Variants in SERAC1 observed in about 807,000 individuals in gnomAD.
SERAC1 encodes the protein serine active site containing 1.
In SERAC1, 36 loss-of-function variants were observed where a neutral mutation model predicts 85.7. That is an observed-to-expected ratio of 0.42 (90% CI 0.32 to 0.55). The LOEUF is 0.55. Among genes scored for constraint, SERAC1 ranks in the 20% least tolerant of loss-of-function variants. SERAC1 has a pLI of 0.11. For synonymous variants in SERAC1, 242 were observed against 265.3 expected (o/e 0.91, Z 0.85); for missense variants, 629 against 796.2 (o/e 0.79, Z 2.53).
intron 8 of SERAC1, among the ~76,000 whole-genome samples, chr6:158,132,626 T>C (rs979886078): frequency 3.3e-5 from 5 of 152,150 alleles, no homozygotes; most frequent in African/African-American, 1.2e-4. Context: ...CAAAGAAAAA[T>C]GATCTAGGAC....
intron 10 of SERAC1, among the ~76,000 whole-genome samples, chr6:158,124,042 A>G (rs1784478676): frequency 6.6e-6 from 1 of 152,218 alleles, no homozygotes; most frequent in African/African-American, 2.4e-5. Context: ...CAGGAAATCA[A>G]TGAAGATGAG....
In SERAC1 at chr6:158,113,586, G is replaced by T. The variant is rs1224640360; in HGVS notation, c.1691C>A (p.Pro564His). Residue 564 changes from proline to histidine, a missense_variant, in exon 16 of 17, where the codon CCT (proline) becomes CAT (histidine). Physicochemically the swap from Pro to His is moderately conservative, Grantham distance 77. Coordinates refer to ENST00000647468, the MANE Select transcript of SERAC1 (RefSeq NM_032861.4). ...GTCATCTTGTAGTGTTTTAAGTGCA[G>T]GAGAATCTGTAAAATTATACAGAAC... is the stretch of plus-strand genomic sequence containing the variant. ...LEVKELSKDS[P>H]ALKTLQDDFL... The T allele has an allele frequency of 2.5e-6, 4 of 1,612,932 alleles. No homozygotes were observed. The highest frequency in any genetic ancestry group is 1.3e-5 in the African/African-American group (1 of 74,874).
chr6:158,129,335 A>T (rs959392715), intron 9 of SERAC1, among the ~76,000 whole-genome samples: 4 of 152,168 alleles, frequency 2.6e-5, no homozygotes, highest in Admixed American at 2.6e-4. Context: ...GCCATGTCCA[A>T]TGTGTCCCAA....
chr6:158,151,610 A>G (rs1785206730), intron 3 of SERAC1, among the ~76,000 whole-genome samples: 1 of 152,040 alleles, frequency 6.6e-6, no homozygotes, highest in Non-Finnish European at 1.5e-5. Flanking sequence ...TATTTTTAGT[A>G]GAGATGGGGT....
intron 1 of SERAC1, among the ~76,000 whole-genome samples, chr6:158,165,450 C>A (rs879257430): frequency 6.6e-6 from 1 of 152,216 alleles, no homozygotes; most frequent in East Asian, 1.9e-4. Context: ...CCACCGTGCC[C>A]GGCCCAGTTC....
chr6:158,141,239 G>A (rs1784908275), intron 8 of SERAC1, among the ~76,000 whole-genome samples: 1 of 152,216 alleles, frequency 6.6e-6, no homozygotes, highest in Non-Finnish European at 1.5e-5. Context: ...GTCCAGAACA[G>A]GCCAATCCAT....
chr6:158,113,694 C>G, intron 15 of SERAC1, 102 bp from the exon 16 acceptor site: 1 of 1,106,992 alleles, frequency 9.0e-7, no homozygotes, highest in Non-Finnish European at 1.3e-6. Context: ...AATTCTGATT[C>G]AAGACGGTGG....
chr6:158,157,984 G>T (rs1241938958), intron 2 of SERAC1, among the ~76,000 whole-genome samples: 1 of 152,158 alleles, frequency 6.6e-6, no homozygotes, highest in Non-Finnish European at 1.5e-5. Flanking sequence ...GTGTTGTTTT[G>T]CAAGAGCTTA....
intron 1 of SERAC1, among the ~76,000 whole-genome samples, chr6:158,165,707 C>T (rs1785583421): frequency 6.6e-6 from 1 of 152,010 alleles, no homozygotes. Context: ...TTAACTGAAG[C>T]AAAAAAACAG....
chr6:158,118,180 A>G (rs1238702487), intron 12 of SERAC1, among the ~76,000 whole-genome samples: 1 of 152,178 alleles, frequency 6.6e-6, no homozygotes, highest in Admixed American at 6.5e-5. Context: ...CAGATTTTGG[A>G]TCTGAGAATT....
At chr6:158,112,453 TCC>T (rs781174833) in intron 16 of SERAC1, 30,842 of 152,020 alleles carry the variant, frequency 0.2, 3,228 homozygotes, top group East Asian at 0.3. Context: ...GCTTCAAGCT[TCC>T]AAAGTCCTTT....
At chr6:158,133,910 A>T (rs1035977521) in intron 8 of SERAC1, among the ~76,000 whole-genome samples, 1 of 152,236 alleles carries the variant, frequency 6.6e-6, no homozygotes, top group Non-Finnish European at 1.5e-5. Context: ...CATAGTATTC[A>T]GTTATGAACA....
chr6:158,150,623 G>A (rs6929520), intron 3 of SERAC1, 34 bp from the exon 4 acceptor site: 1 of 1,433,960 alleles, frequency 7.0e-7, no homozygotes, highest in Non-Finnish European at 9.7e-7. Context: ...ATCATAAATA[G>A]ACAATCAAAA....
chr6:158,152,291 G>A (rs982265072), intron 3 of SERAC1, among the ~76,000 whole-genome samples: 12 of 152,118 alleles, frequency 7.9e-5, no homozygotes, highest in East Asian at 1.9e-4. Flanking sequence ...CGAGGCGGGC[G>A]GATCACCCGA....
chr6:158,114,552 A>C, intron 15 of SERAC1: 1 of 1,200,660 alleles, frequency 8.3e-7, no homozygotes, highest in Non-Finnish European at 1.1e-6. Context: ...TTCTAATTTT[A>C]AGTATTTAAG....
intron 3 of SERAC1, among the ~76,000 whole-genome samples, 197 bp from the exon 4 acceptor site, chr6:158,150,786 G>A (rs1583600247): frequency 1.3e-5 from 2 of 152,112 alleles, no homozygotes; most frequent in Non-Finnish European, 2.9e-5. Flanking sequence ...CCTCATATAC[G>A]ATAGTGGTCT....
chr6:158,114,780 A>T lies in SERAC1; in HGVS notation c.1684+9T>A, dbSNP rs760320726. The T allele has an allele frequency of 1.2e-5, 19 of 1,613,726 alleles. No homozygotes were observed. The highest frequency in any genetic ancestry group is 1.6e-5 in the Non-Finnish European group (19 of 1,179,706). The stretch of plus-strand genomic sequence containing the variant: ...TAACCCCAATTTCCTTTATGACAAA[A>T]AGTATTACCCTTGCTGAGTTCTTTG... On this transcript the variant is annotated intron_variant, in intron 15 of 16. Transcript: ENST00000647468.
chr6:158,116,222 C>A lies in SERAC1; in HGVS notation c.1464G>T (p.Gly488=), dbSNP rs954283957. The A allele has an allele frequency of 6.2e-7, 1 of 1,614,002 alleles. No individual in the cohort carries two copies. The highest frequency in any genetic ancestry group is 8.5e-7 in the Non-Finnish European group (1 of 1,180,002). Residue 488 remains glycine (G), a synonymous_variant, in exon 14 of 17, where the codon GGG becomes GGT. Transcript: ENST00000647468. ...GTGATATCCAAACCACTGGCCTATCCCCAACACCAGCAGCTCTGAGCTTCC... is the reference window on the plus strand; with the variant it reads ...GTGATATCCAAACCACTGGCCTATCACCAACACCAGCAGCTCTGAGCTTCC... ...LLRKLRAAGV[G]DRPVVWISHS...
At position 158,120,606 on chromosome 6, in the gene SERAC1, G is replaced by T; in HGVS notation, c.1016-31C>A. 1 of 1,602,350 alleles carries T rather than the reference G, an allele frequency of 6.2e-7. No homozygotes were observed. On this transcript the variant is annotated intron_variant, in intron 10 of 16. Coordinates refer to ENST00000647468, the MANE Select transcript of SERAC1 (RefSeq NM_032861.4). This position sits in a 1 kb window ranked among gnomAD's most constrained non-coding sequence, Gnocchi z 4.4. Reference sequence around the variant, plus strand: ...GAAAAGTACACATATCCTAAATACTGATGTGAATCCATCGCAGACCACAGA... The same window carrying T: ...GAAAAGTACACATATCCTAAATACTTATGTGAATCCATCGCAGACCACAGA...
Sources: gnomAD v4.1 joint callset for allele counts (sites outside exome capture counted in the v4.1 genomes callset) on GRCh38, gnomAD v4.1.1 for gene constraint, Gnocchi (gnomAD v3.1) non-coding constraint, MANE v1.5 for transcripts, NCBI Gene and HGNC (gene_info 2026-07-23, HGNC 2026-07-21) for gene names.